KCNMA1: variants seen among roughly 807,000 people sequenced by gnomAD.
KCNMA1 encodes Calcium-activated potassium channel subunit alpha-1.
In KCNMA1, 29 loss-of-function variants were observed where a neutral mutation model predicts 140.0. The ratio of observed to expected loss-of-function variants is 0.21; its 90% CI spans 0.15 to 0.28. The LOEUF (loss-of-function observed/expected upper bound fraction) is 0.28, where lower values mean the gene tolerates loss of function less well. KCNMA1 is among the 10% of genes least tolerant of loss of function. KCNMA1 has a pLI of 1.00. For missense variants in KCNMA1, 880 were observed against 1,602.2 expected, an observed-to-expected ratio of 0.55 and a Z score of 7.70; for synonymous variants, 612 against 611.9, an observed-to-expected ratio of 1.00 and a Z score of 0.00.
At chr10:77,506,592 A>AGTGTGTGTGTGTGTGTGTGTGT (rs1303397612) in intron 1 of KCNMA1, among the ~76,000 whole-genome samples, 10 of 83,058 alleles carry the variant, frequency 1.2e-4, no homozygotes, top group African/African-American at 7.3e-4. Context: ...AGAGAGAGAG[A>AGTGTGTGTGTGTGTGTGTGTGT]GAGAGTGTGT....
At chr10:76,925,231 G>T (rs1261559786) in intron 23 of KCNMA1, among the ~76,000 whole-genome samples, 1 of 151,910 alleles carries the variant, frequency 6.6e-6, no homozygotes, top group Admixed American at 6.6e-5. Flanking sequence ...ATACCCACTG[G>T]ACTTCCCAAT....
chr10:77,033,446 TCA>T (rs1164580762), intron 15 of KCNMA1, among the ~76,000 whole-genome samples: 1 of 151,336 alleles, frequency 6.6e-6, no homozygotes, highest in Non-Finnish European at 1.5e-5. Flanking sequence ...TCTCTCTCTT[TCA>T]CACACACACA....
chr10:77,557,500 C>T (rs2064927078), intron 1 of KCNMA1, among the ~76,000 whole-genome samples: 1 of 152,184 alleles, frequency 6.6e-6, no homozygotes, highest in African/African-American at 2.4e-5. Flanking sequence ...TGGGCAGTGA[C>T]AGAGAATGTA....
intron 1 of KCNMA1, among the ~76,000 whole-genome samples, chr10:77,467,711 G>T (rs569386924): frequency 6.6e-6 from 1 of 152,228 alleles, no homozygotes; most frequent in East Asian, 1.9e-4. Flanking sequence ...TTTCTGAAAG[G>T]CTGCTCCAAA....
At chr10:77,593,122 T>G (rs546527829) in intron 1 of KCNMA1, among the ~76,000 whole-genome samples, 2 of 152,254 alleles carry the variant, frequency 1.3e-5, no homozygotes, top group South Asian at 4.2e-4. Flanking sequence ...AGAGCAGGGT[T>G]GACGTGAGTA....
At chr10:77,455,009 C>A (rs2097734178) in intron 1 of KCNMA1, among the ~76,000 whole-genome samples, 1 of 152,206 alleles carries the variant, frequency 6.6e-6, no homozygotes, top group South Asian at 2.1e-4. Context: ...TACCTTGTGG[C>A]AGTTGGCTTT....
chr10:77,020,190 T>A (rs745879409), intron 16 of KCNMA1: 1 of 152,162 alleles, frequency 6.6e-6, no homozygotes, highest in Non-Finnish European at 1.5e-5. Flanking sequence ...AAGGAAGTTC[T>A]CAGCTGCCCC....
At chr10:77,387,186 C>A (rs554098770) in intron 2 of KCNMA1, among the ~76,000 whole-genome samples, 1 of 152,162 alleles carries the variant, frequency 6.6e-6, no homozygotes, top group Admixed American at 6.5e-5. Context: ...AAATCCACCC[C>A]CTCTGCTCTC....
chr10:77,452,641 T>C (rs576923874), intron 1 of KCNMA1, among the ~76,000 whole-genome samples: 1 of 152,304 alleles, frequency 6.6e-6, no homozygotes, highest in Admixed American at 6.5e-5. Flanking sequence ...TCAAGAGCTG[T>C]TGGCCACTTG....
At chr10:77,004,277 G>C (rs1453942645) in intron 18 of KCNMA1, among the ~76,000 whole-genome samples, 2 of 150,520 alleles carry the variant, frequency 1.3e-5, no homozygotes, top group African/African-American at 4.9e-5. Context: ...CGATCAATGA[G>C]AGGCTCAAAG....
chr10:77,507,381 C>A (rs1313691367), intron 1 of KCNMA1, among the ~76,000 whole-genome samples: 3 of 152,144 alleles, frequency 2.0e-5, no homozygotes, highest in Non-Finnish European at 4.4e-5. Flanking sequence ...GACCTGAGGA[C>A]CGAATCAGGA....
intron 3 of KCNMA1, among the ~76,000 whole-genome samples, chr10:77,216,501 C>T: frequency 6.6e-6 from 1 of 151,900 alleles, no homozygotes; most frequent in East Asian, 1.9e-4. Flanking sequence ...AAAAGTAAGC[C>T]ACTGCTTTAT....
chr10:77,222,866 T>C (rs926408332), intron 3 of KCNMA1, among the ~76,000 whole-genome samples: 4 of 152,170 alleles, frequency 2.6e-5, no homozygotes, highest in African/African-American at 9.7e-5. Flanking sequence ...TATGATTGTA[T>C]TGTGGGGCAT....
At chr10:77,630,974 C>T (rs2093117628) in intron 1 of KCNMA1, among the ~76,000 whole-genome samples, 1 of 151,660 alleles carries the variant, frequency 6.6e-6, no homozygotes, top group Non-Finnish European at 1.5e-5. Flanking sequence ...GGTGTGGTGG[C>T]ACACACCCAT....
intron 19 of KCNMA1, among the ~76,000 whole-genome samples, chr10:76,978,169 G>A (rs895007153): frequency 2.6e-5 from 4 of 152,218 alleles, no homozygotes; most frequent in Non-Finnish European, 5.9e-5. Flanking sequence ...AATCCAGAAT[G>A]ATCCAGACGG....
At chr10:77,504,915 C>T (rs2045279923) in intron 1 of KCNMA1, among the ~76,000 whole-genome samples, 1 of 152,274 alleles carries the variant, frequency 6.6e-6, no homozygotes, top group Admixed American at 6.5e-5. Context: ...CATGATTATA[C>T]TGCAGCTTCT....
chr10:76,885,359 A>T lies in KCNMA1; in HGVS notation c.*1907T>A. 5.1e-6 allele frequency: 5 copies of T among 983,232 alleles called. No individual in the cohort carries two copies. Among genetic ancestry groups the T allele is most frequent in the Non-Finnish European group, 6.0e-6 (5 of 828,134 alleles). The allele number at this position is 983,232 out of a possible 1,614,324, so 60.9% of individuals were successfully genotyped here. On this transcript the variant is annotated 3_prime_UTR_variant, in exon 28 of 28. Transcript: ENST00000286628. ...TTCCACTCATAGGGCTTGATAATTT[A>T]CATGTATACAATTATTCCCCACCAC...
intron 1 of KCNMA1, among the ~76,000 whole-genome samples, chr10:77,629,985 T>C (rs896297870): frequency 2.6e-5 from 4 of 152,150 alleles, no homozygotes; most frequent in Admixed American, 2.0e-4. Context: ...AAAACCCTGG[T>C]ATGGTGAGAA....
At chr10:77,459,114 T>C (rs908350438) in intron 1 of KCNMA1, among the ~76,000 whole-genome samples, 9 of 151,958 alleles carry the variant, frequency 5.9e-5, no homozygotes, top group Non-Finnish European at 1.2e-4. Context: ...CTCACACTGG[T>C]AGGGGGAGGG....
Sources: gnomAD v4.1 joint callset for allele counts (sites outside exome capture counted in the v4.1 genomes callset) on GRCh38, gnomAD v4.1.1 for gene constraint, MANE v1.5 for transcripts, NCBI Gene and HGNC (gene_info 2026-07-23, HGNC 2026-07-21) for gene names.